The following CLDN17 variants were observed in gnomAD, a reference collection of about 807,000 sequenced individuals.
CLDN17 encodes the protein claudin 17.
A neutral mutation model predicts 0.1 loss-of-function variants in CLDN17; 1 was observed. That is an observed-to-expected ratio of 8.90 (90% CI 3.16 to 42.21). The LOEUF (loss-of-function observed/expected upper bound fraction) is 42.21, where lower values mean the gene tolerates loss of function less well. Among genes scored for constraint, CLDN17 ranks in the 30% most tolerant of loss-of-function variants. CLDN17 has a pLI of 0.11. For synonymous variants in CLDN17, 134 were observed against 106.7 expected, an observed-to-expected ratio of 1.26 and a Z score of -1.58; for missense variants, 294 against 274.9, an observed-to-expected ratio of 1.07 and a Z score of -0.49.
Position 30,166,136 on chromosome 21 carries a change from A to T in CLDN17, c.482T>A (p.Leu161Gln). 1 of 1,614,198 alleles carries T rather than the reference A, an allele frequency of 6.2e-7. No individual in the cohort carries two copies. Among genetic ancestry groups the T allele is most frequent in the Non-Finnish European group, 8.5e-7 (1 of 1,180,034 alleles). Residue 161 changes from leucine (L) to glutamine (Q), a missense_variant, in exon 1 of 1, where the codon CTG (leucine) becomes CAG (glutamine). Coordinates refer to ENST00000286808, the MANE Select transcript of CLDN17 (RefSeq NM_012131.3). Reference protein sequence around the residue: ...PAIHIGQKRELGAALFLGWAS... With the variant: ...PAIHIGQKREQGAALFLGWAS... Reference sequence around the variant, plus strand: ...CCAGCCAAGGAAAAGTGCTGCTCCCAGCTCTCGTTTCTGACCTATGTGGAT... The same window carrying T: ...CCAGCCAAGGAAAAGTGCTGCTCCCTGCTCTCGTTTCTGACCTATGTGGAT...
In CLDN17 at chr21:30,165,566, T is replaced by G; in HGVS notation, c.*377A>C. 5.4e-6 allele frequency: 1 copy of G among 186,844 alleles called. No individual in the cohort carries two copies. Among genetic ancestry groups the G allele is most frequent in the Non-Finnish European group, 1.1e-5 (1 of 90,686 alleles). The allele number at this position is 186,844 out of a possible 1,614,324, so 11.6% of individuals were successfully genotyped here. On this transcript the variant is annotated 3_prime_UTR_variant, in exon 1 of 1. Coordinates refer to ENST00000286808, the MANE Select transcript of CLDN17 (RefSeq NM_012131.3). ...GTAGAGGAAAAATAATAGGTTACAT[T>G]TTAGAATAGGTATATGTTTTATTGT...
In CLDN17 at chr21:30,166,470, G is replaced by T. The variant is rs749905276; in HGVS notation, c.148C>A (p.Leu50Ile). ...GCTTGTCGGATGCAATTCATCCAGA[G>T]CCCTTCCCAGAGCCTCTCAAAGACA... The part of the protein sequence containing the change: ...IIVFERLWEG[L>I]WMNCIRQARV... Residue 50 changes from leucine to isoleucine, a missense_variant, in exon 1 of 1, where the codon CTC becomes ATC. By Grantham distance (5) the Leu-to-Ile change is conservative. Coordinates refer to ENST00000286808, the MANE Select transcript of CLDN17 (RefSeq NM_012131.3). The T allele has an allele frequency of 1.9e-6, 3 of 1,613,970 alleles. No individual in the cohort carries two copies. The highest frequency in any genetic ancestry group is 2.5e-6 in the Non-Finnish European group (3 of 1,180,020).
rs1275017545 is a variant in CLDN17, at chr21:30,166,476, C to T, written c.142G>A (p.Glu48Lys). The change falls in exon 1 of 1, where the codon GAA becomes AAA. Residue 48 changes from glutamate to lysine, a missense_variant. Transcript: ENST00000286808. ...SNIIVFERLWEGLWMNCIRQA... is the reference protein window; with the variant it reads ...SNIIVFERLWKGLWMNCIRQA... ...CGGATGCAATTCATCCAGAGCCCTT[C>T]CCAGAGCCTCTCAAAGACAATAATG... is the stretch of plus-strand genomic sequence containing the variant. 6.2e-7 allele frequency: 1 copy of T among 1,614,018 alleles called. No homozygotes were observed. Among genetic ancestry groups the T allele is most frequent in the Non-Finnish European group, 8.5e-7 (1 of 1,180,010 alleles).
In CLDN17 at chr21:30,166,379, G is replaced by A. The variant is rs1427866955; in HGVS notation, c.239C>T (p.Ala80Val). The A allele has an allele frequency of 6.2e-7, 1 of 1,613,956 alleles. No individual in the cohort carries two copies. The highest frequency in any genetic ancestry group is 1.3e-5 in the African/African-American group (1 of 74,902). The stretch of plus-strand genomic sequence containing the variant: ...AACAGCCACACACATGAGGGCCCGG[G>A]CTGTTTCCAGGGCAGGCGGGAGAGC... ...LLALPPALET[A>V]RALMCVAVAL... The change falls in exon 1 of 1, where the codon GCC (alanine) becomes GTC (valine). Residue 80 changes from alanine to valine, a missense_variant. Ala to Val is a moderately conservative substitution (Grantham distance 64). Coordinates refer to ENST00000286808, the MANE Select transcript of CLDN17 (RefSeq NM_012131.3).
chr21:30,165,952 A>C lies in CLDN17; in HGVS notation c.666T>G (p.Ser222Arg). 6.2e-7 allele frequency: 1 copy of C among 1,613,704 alleles called. No individual in the cohort carries two copies. The highest frequency in any genetic ancestry group is 8.5e-7 in the Non-Finnish European group (1 of 1,179,692). ...NTTMLSKTST[S>R]YV ...GAGCCAAAAGGAGGCATTAGACATA[A>C]CTGGTGGAGGTCTTACTAAGCATTG... Residue 222 changes from serine (S) to arginine (R), a missense_variant, in exon 1 of 1, where the codon AGT (serine) becomes AGG (arginine). Physicochemically the swap from Ser to Arg is moderately radical, Grantham distance 110. Coordinates refer to ENST00000286808, the MANE Select transcript of CLDN17 (RefSeq NM_012131.3).
chr21:30,166,497 TA>T lies in CLDN17; in HGVS notation c.120del (p.Ile41LeufsTer12). 1 of 1,613,996 alleles carries T rather than the reference TA, an allele frequency of 6.2e-7. No homozygotes were observed. The highest frequency in any genetic ancestry group is 8.5e-7 in the Non-Finnish European group (1 of 1,179,988). On this transcript the variant is annotated frameshift_variant, in exon 1 of 1. Coordinates refer to ENST00000286808, the MANE Select transcript of CLDN17 (RefSeq NM_012131.3). LOFTEE classifies it low-confidence loss of function (END_TRUNC). ...WRVSAFVGSN[I>X]IVFERLWEGL... is the part of the protein sequence containing the mutation. The stretch of plus-strand genomic sequence containing the variant: ...CCTTCCCAGAGCCTCTCAAAGACAA[TA>T]ATGTTGCTGCCAACAAAAGCTGATA...
In CLDN17 at chr21:30,166,542, G is replaced by A; in HGVS notation, c.76C>T (p.Leu26Phe). ...LGMVGTLATT[L>F]LPQWRVSAFV... ...GCTGATACTCTCCACTGAGGCAGAA[G>A]GGTTGTGGCAAGAGTCCCCACCATG... The change falls in exon 1 of 1, where the codon CTT becomes TTT. Residue 26 changes from leucine (L) to phenylalanine (F), a missense_variant. Leu to Phe is a conservative substitution (Grantham distance 22, BLOSUM62 0). Transcript: ENST00000286808. The A allele has an allele frequency of 6.2e-7, 1 of 1,614,164 alleles. No homozygotes were observed. The highest frequency in any genetic ancestry group is 1.1e-5 in the South Asian group (1 of 91,080).
chr21:30,166,602 AG>A lies in CLDN17; in HGVS notation c.15del (p.Leu6CysfsTer47). 1 of 1,611,590 alleles carries A rather than the reference AG, an allele frequency of 6.2e-7. No homozygotes were observed. Among genetic ancestry groups the A allele is most frequent in the East Asian group, 2.2e-5 (1 of 44,876 alleles). Reference protein sequence around the residue: MAFYPLQIAGLVLGF... With the variant: MAFYXLQIAGLVLGF... ...CCAAGAACCAGCCCAGCAATTTGCA[AG>A]GGATAAAATGCCATTGCCTTTACTT... On this transcript the variant is annotated frameshift_variant, in exon 1 of 1. Coordinates refer to ENST00000286808, the MANE Select transcript of CLDN17 (RefSeq NM_012131.3). LOFTEE classifies it low-confidence loss of function (END_TRUNC).
chr21:30,166,698 G>C lies in CLDN17; in HGVS notation c.-81C>G. ...AGAACGTGGAAGCCTTTTGAGTCTA[G>C]AGAAGTCTTTGATGATGTTCTCCTT... On this transcript the variant is annotated 5_prime_UTR_variant, in exon 1 of 1. Transcript: ENST00000286808. The C allele has an allele frequency of 7.7e-7, 1 of 1,293,394 alleles. No individual in the cohort carries two copies. The highest frequency in any genetic ancestry group is 1.1e-6 in the Non-Finnish European group (1 of 936,156). The allele number at this position is 1,293,394 out of a possible 1,614,324, so 80.1% of individuals were successfully genotyped here.
rs572478746 is a variant in CLDN17, at chr21:30,166,400, A to C, written c.218T>G (p.Leu73Arg). Residue 73 changes from leucine to arginine, a missense_variant, in exon 1 of 1, where the codon CTC becomes CGC. Coordinates refer to ENST00000286808, the MANE Select transcript of CLDN17 (RefSeq NM_012131.3). ...QCKFYSSLLA[L>R]PPALETARAL... Reference sequence around the variant, plus strand: ...CCGGGCTGTTTCCAGGGCAGGCGGGAGAGCCAACAAGGAGCTATAGAACTT... The same window carrying C: ...CCGGGCTGTTTCCAGGGCAGGCGGGCGAGCCAACAAGGAGCTATAGAACTT... 5 of 1,614,094 alleles carry C rather than the reference A, an allele frequency of 3.1e-6. No homozygotes were observed. The African/African-American group carries it at 4.0e-5, about 13-fold the overall frequency.
At position 30,165,745 on chromosome 21, in the gene CLDN17, T is replaced by C. The variant is rs1394321887; in HGVS notation, c.*198A>G. 1.0e-5 allele frequency: 6 copies of C among 601,318 alleles called. No homozygotes were observed. The highest frequency in any genetic ancestry group is 1.8e-5 in the Non-Finnish European group (6 of 342,616). The allele number at this position is 601,318 out of a possible 1,614,324, so 37.2% of individuals were successfully genotyped here. A position where few individuals can be genotyped will look rare whatever the true frequency, so the allele number is the denominator to read the frequency against. The stretch of plus-strand genomic sequence containing the variant: ...GAGCAGCGATTGGGTCCAACAATAG[T>C]CAATGCATTTAATACACCTGAAGTC... On this transcript the variant is annotated 3_prime_UTR_variant, in exon 1 of 1. Coordinates refer to ENST00000286808, the MANE Select transcript of CLDN17 (RefSeq NM_012131.3).
Position 30,166,089 on chromosome 21 carries a change from T to G in CLDN17, c.529A>C (p.Ile177Leu), listed in dbSNP as rs775945093. 8 of 1,614,160 alleles carry G rather than the reference T, an allele frequency of 5.0e-6. No individual in the cohort carries two copies. The South Asian group carries it at 8.8e-5, about 18-fold the overall frequency. The change falls in exon 1 of 1, where the codon ATT becomes CTT. Residue 177 changes from isoleucine to leucine, a missense_variant. Coordinates refer to ENST00000286808, the MANE Select transcript of CLDN17 (RefSeq NM_012131.3). ...AATCCACAAAGCAGACCCCCTCCAA[T>G]GAAGAGGACAGCAGCGCTTGCCCAG... Reference protein sequence around the residue: ...LGWASAAVLFIGGGLLCGFCC... With the variant: ...LGWASAAVLFLGGGLLCGFCC...
rs1252784960 is a variant in CLDN17 at position 30,166,183 on chromosome 21, G to A, written c.435C>T (p.Ile145=). 1.2e-6 allele frequency: 2 copies of A among 1,614,050 alleles called. No individual in the cohort carries two copies. The highest frequency in any genetic ancestry group is 1.7e-6 in the Non-Finnish European group (2 of 1,180,038). The change falls in exon 1 of 1, where the codon ATC becomes ATT. Residue 145 remains isoleucine, a synonymous_variant. Coordinates refer to ENST00000286808, the MANE Select transcript of CLDN17 (RefSeq NM_012131.3). ...GGATGGCTGGGTTGTAGAAATCTCTGATGATTATATTGGCTGTCCAGCTCA... is the reference window on the plus strand; with the variant it reads ...GGATGGCTGGGTTGTAGAAATCTCTAATGATTATATTGGCTGTCCAGCTCA... The part of the protein sequence containing the change: ...IPVSWTANII[I]RDFYNPAIHI...
chr21:30,166,391 G>A lies in CLDN17; in HGVS notation c.227C>T (p.Ala76Val). The change falls in exon 1 of 1, where the codon GCC becomes GTC. Residue 76 changes from alanine to valine, a missense_variant. By Grantham distance (64) the Ala-to-Val change is moderately conservative. Coordinates refer to ENST00000286808, the MANE Select transcript of CLDN17 (RefSeq NM_012131.3). ...CATGAGGGCCCGGGCTGTTTCCAGGGCAGGCGGGAGAGCCAACAAGGAGCT... is the reference window on the plus strand; with the variant it reads ...CATGAGGGCCCGGGCTGTTTCCAGGACAGGCGGGAGAGCCAACAAGGAGCT... ...FYSSLLALPP[A>V]LETARALMCV... 1 of 1,614,076 alleles carries A rather than the reference G, an allele frequency of 6.2e-7. No homozygotes were observed. Among genetic ancestry groups the A allele is most frequent in the African/African-American group, 1.3e-5 (1 of 75,018 alleles).
Position 30,166,518 on chromosome 21 carries a change from C to A in CLDN17, c.100G>T (p.Ala34Ser). 1 of 1,614,182 alleles carries A rather than the reference C, an allele frequency of 6.2e-7. No individual in the cohort carries two copies. Among genetic ancestry groups the A allele is most frequent in the Non-Finnish European group, 8.5e-7 (1 of 1,180,014 alleles). Residue 34 changes from alanine (A) to serine (S), a missense_variant, in exon 1 of 1, where the codon GCT becomes TCT. Ala to Ser is a moderately conservative substitution (Grantham distance 99). Transcript: ENST00000286808. Reference protein sequence around the residue: ...TTLLPQWRVSAFVGSNIIVFE... With the variant: ...TTLLPQWRVSSFVGSNIIVFE... ...ACAATAATGTTGCTGCCAACAAAAG[C>A]TGATACTCTCCACTGAGGCAGAAGG...
chr21:30,166,689 T>A lies in CLDN17; in HGVS notation c.-72A>T. The A allele has an allele frequency of 1.5e-6, 2 of 1,377,334 alleles. No individual in the cohort carries two copies. Among genetic ancestry groups the A allele is most frequent in the Non-Finnish European group, 2.0e-6 (2 of 1,006,334 alleles). The allele number at this position is 1,377,334 out of a possible 1,614,324, so 85.3% of individuals were successfully genotyped here. Reference sequence around the variant, plus strand: ...TCAAGATGTAGAACGTGGAAGCCTTTTGAGTCTAGAGAAGTCTTTGATGAT... The same window carrying A: ...TCAAGATGTAGAACGTGGAAGCCTTATGAGTCTAGAGAAGTCTTTGATGAT... On this transcript the variant is annotated 5_prime_UTR_variant, in exon 1 of 1. Transcript: ENST00000286808.
At position 30,166,654 on chromosome 21, in the gene CLDN17, T is replaced by C. The variant is rs533297655; in HGVS notation, c.-37A>G. The C allele has an allele frequency of 6.5e-7, 1 of 1,541,684 alleles. No individual in the cohort carries two copies. The highest frequency in any genetic ancestry group is 8.8e-7 in the Non-Finnish European group (1 of 1,139,262). ...TGAAGACTGGTTCAATTCGGAGTGGTAGAAGATGCTCAAGATGTAGAACGT... is the reference window on the plus strand; with the variant it reads ...TGAAGACTGGTTCAATTCGGAGTGGCAGAAGATGCTCAAGATGTAGAACGT... On this transcript the variant is annotated 5_prime_UTR_variant, in exon 1 of 1. Coordinates refer to ENST00000286808, the MANE Select transcript of CLDN17 (RefSeq NM_012131.3).
chr21:30,166,413 A>T lies in CLDN17; in HGVS notation c.205T>A (p.Ser69Thr). The change falls in exon 1 of 1, where the codon TCC (serine) becomes ACC (threonine). Residue 69 changes from serine to threonine, a missense_variant. Transcript: ENST00000286808. ...AGGGCAGGCGGGAGAGCCAACAAGG[A>T]GCTATAGAACTTGCATTGCAACCGG... ...RVRLQCKFYS[S>T]LLALPPALET... is the part of the protein sequence containing the mutation. The T allele has an allele frequency of 6.2e-7, 1 of 1,614,032 alleles. No individual in the cohort carries two copies. Among genetic ancestry groups the T allele is most frequent in the South Asian group, 1.1e-5 (1 of 91,066 alleles).
Position 30,166,629 on chromosome 21 carries a change from TGA to T in CLDN17, c.-14_-13del, listed in dbSNP as rs1296459207. The T allele has an allele frequency of 6.3e-7, 1 of 1,595,524 alleles. No homozygotes were observed. The highest frequency in any genetic ancestry group is 1.3e-5 in the African/African-American group (1 of 74,210). On this transcript the variant is annotated 5_prime_UTR_variant, in exon 1 of 1. Transcript: ENST00000286808. ...GGATAAAATGCCATTGCCTTTACTT[TGA>T]AGACTGGTTCAATTCGGAGTGGTAG...
Sources: gnomAD v4.1 joint callset for allele counts on GRCh38, gnomAD v4.1.1 for gene constraint, MANE v1.5 for transcripts, NCBI Gene and HGNC (gene_info 2026-07-23, HGNC 2026-07-21) for gene names.